The following AFTPH variants were observed in gnomAD, a reference collection of about 807,000 sequenced individuals.
AFTPH encodes aftiphilin protein.
A neutral mutation model predicts 72.5 loss-of-function variants in AFTPH; 7 were observed. The ratio of observed to expected loss-of-function variants is 0.10; its 90% confidence interval spans 0.05 to 0.18. The LOEUF (loss-of-function observed/expected upper bound fraction) is 0.18, where lower values mean the gene tolerates loss of function less well. Among genes scored for constraint, AFTPH ranks in the 10% least tolerant of loss-of-function variants. The pLI is 1.00. For missense variants in AFTPH, 979 were observed against 1,060.5 expected, an observed-to-expected ratio of 0.92 and a Z score of 1.07; for synonymous variants, 337 against 370.1, an observed-to-expected ratio of 0.91 and a Z score of 1.03.
chr2:64,585,217 A>G (rs1182913050), intron 7 of AFTPH, among the ~76,000 whole-genome samples: 2 of 152,254 alleles, frequency 1.3e-5, no homozygotes, highest in African/African-American at 4.8e-5. Flanking sequence ...ATGGAATTTG[A>G]AAAGTCTTTT....
exon 2 of AFTPH, chr2:64,552,683 A>T: frequency 6.2e-7 from 1 of 1,614,222 alleles, no homozygotes; most frequent in Non-Finnish European, 8.5e-7. Flanking sequence ...CCACAGAAGA[A>T]AATGATTTGG....
chr2:64,579,174 T>C (rs1178014620), intron 6 of AFTPH, among the ~76,000 whole-genome samples: 1 of 152,202 alleles, frequency 6.6e-6, no homozygotes, highest in East Asian at 1.9e-4. Context: ...ACATCAATAG[T>C]TGAAATCATG....
chr2:64,568,645 A>T (rs1672236207), intron 3 of AFTPH, among the ~76,000 whole-genome samples: 1 of 152,184 alleles, frequency 6.6e-6, no homozygotes, highest in Admixed American at 6.6e-5. Context: ...TCTTTGAGAC[A>T]GTCTCGCTCT....
At chr2:64,530,439 AT>A (rs1392389476) in intron 1 of AFTPH, among the ~76,000 whole-genome samples, 2 of 152,222 alleles carry the variant, frequency 1.3e-5, no homozygotes, top group Admixed American at 6.5e-5. Context: ...TTATGAAAAA[AT>A]AATGTGCTTA....
At chr2:64,568,457 C>T (rs1000154603) in intron 3 of AFTPH, among the ~76,000 whole-genome samples, 4 of 152,184 alleles carry the variant, frequency 2.6e-5, no homozygotes, top group Admixed American at 2.0e-4. Flanking sequence ...CTTACACATA[C>T]ATTGCCTCGG....
chr2:64,536,954 A>ATT (rs1271247873), intron 1 of AFTPH, among the ~76,000 whole-genome samples: 3 of 51,992 alleles, frequency 5.8e-5, no homozygotes, highest in Non-Finnish European at 9.8e-5. Context: ...TCTGTCTCAA[A>ATT]AAAAAAAAAA....
At chr2:64,561,280 T>TA (rs1411412302) in intron 2 of AFTPH, among the ~76,000 whole-genome samples, 1 of 152,238 alleles carries the variant, frequency 6.6e-6, no homozygotes, top group Non-Finnish European at 1.5e-5. Context: ...CTGAGTCACA[T>TA]AAACTGGTAT....
intron 7 of AFTPH, among the ~76,000 whole-genome samples, chr2:64,581,758 TG>T (rs1378050260): frequency 6.6e-6 from 1 of 152,220 alleles, no homozygotes; most frequent in African/African-American, 2.4e-5. Context: ...AATATATAAT[TG>T]GGTTCCAAAA....
intron 1 of AFTPH, among the ~76,000 whole-genome samples, chr2:64,536,951 CAAAAAAAA>C (rs70937353): frequency 1.2e-5 from 1 of 81,796 alleles, no homozygotes; most frequent in Non-Finnish European, 2.5e-5. Flanking sequence ...GACTCTGTCT[CAAAAAAAA>C]AAAAAAAAAA....
At chr2:64,574,337 A>T (rs1672639865) in intron 6 of AFTPH, among the ~76,000 whole-genome samples, 1 of 152,184 alleles carries the variant, frequency 6.6e-6, no homozygotes, top group African/African-American at 2.4e-5. Context: ...GTTCCAGGGT[A>T]AAGTAAGTTT....
At chr2:64,549,092 T>TA in intron 1 of AFTPH, among the ~76,000 whole-genome samples, 1 of 152,148 alleles carries the variant, frequency 6.6e-6, no homozygotes, top group Non-Finnish European at 1.5e-5. Context: ...TCCTCACCTC[T>TA]AAATTAAACT....
chr2:64,536,700 C>T (rs1418807967), intron 1 of AFTPH, among the ~76,000 whole-genome samples: 1 of 151,468 alleles, frequency 6.6e-6, no homozygotes, highest in Non-Finnish European at 1.5e-5. Flanking sequence ...AACCTGTAAT[C>T]CCAGCACTTT....
intron 1 of AFTPH, among the ~76,000 whole-genome samples, chr2:64,546,118 C>T (rs1379919754): frequency 2.0e-5 from 3 of 152,022 alleles, no homozygotes; most frequent in African/African-American, 7.3e-5. Flanking sequence ...GTCTCAAACT[C>T]CTGACCTCAA....
In AFTPH at chr2:64,524,448, A is replaced by C; in HGVS notation, c.-197A>C. ...GGATGGGGGTCCCGCGGCAGCGGTGAAACTCCGGGTGGGCGTCCATGGTGC... is the reference window on the plus strand; with the variant it reads ...GGATGGGGGTCCCGCGGCAGCGGTGCAACTCCGGGTGGGCGTCCATGGTGC... On this transcript the variant is annotated 5_prime_UTR_variant, in exon 1 of 9. It removes the in-frame stop codon of an upstream open reading frame in the 5' UTR. Transcript: ENST00000238856. 1 of 402,450 alleles carries C rather than the reference A, an allele frequency of 2.5e-6. No individual in the cohort carries two copies. Among genetic ancestry groups the C allele is most frequent in the South Asian group, 1.1e-4 (1 of 8,978 alleles). The allele number at this position is 402,450 out of a possible 1,614,324, so 24.9% of individuals were successfully genotyped here. A position where few individuals can be genotyped will look rare whatever the true frequency, so the allele number is the denominator to read the frequency against.
chr2:64,573,464 A>G (rs1022461152), intron 6 of AFTPH, among the ~76,000 whole-genome samples: 30 of 151,894 alleles, frequency 2.0e-4, no homozygotes, highest in African/African-American at 6.5e-4. Context: ...AAAAAAGGAA[A>G]CACTGTATTT....
chr2:64,534,429 A>G (rs961921000), intron 1 of AFTPH, among the ~76,000 whole-genome samples: 12 of 152,286 alleles, frequency 7.9e-5, no homozygotes, highest in African/African-American at 2.9e-4. Context: ...CTCTCGCCTG[A>G]AGCCCAAACA....
chr2:64,575,204 TGGAC>T (rs1672688816), intron 6 of AFTPH, among the ~76,000 whole-genome samples: 1 of 152,220 alleles, frequency 6.6e-6, no homozygotes, highest in Non-Finnish European at 1.5e-5. Flanking sequence ...AATTTCACTA[TGGAC>T]TTGACAAAAA....
intron 7 of AFTPH, chr2:64,581,208 T>C (rs770435472): frequency 6.3e-7 from 1 of 1,598,336 alleles, no homozygotes; most frequent in South Asian, 1.1e-5. Context: ...GGTTCCACTC[T>C]TCTGAACCTT....
At chr2:64,561,972 G>A (rs1196213059) in intron 2 of AFTPH, among the ~76,000 whole-genome samples, 2 of 152,142 alleles carry the variant, frequency 1.3e-5, no homozygotes, top group East Asian at 3.9e-4. Context: ...AAAATGTGGG[G>A]AAAAACATGA....
Sources: gnomAD v4.1 joint callset for allele counts (sites outside exome capture counted in the v4.1 genomes callset) on GRCh38, gnomAD v4.1.1 for gene constraint, MANE v1.5 for transcripts, NCBI Gene and HGNC (gene_info 2026-07-23, HGNC 2026-07-21) for gene names.